Variants in RELN observed in about 807,000 individuals in gnomAD.
RELN encodes reelin.
Under a neutral mutation model 427.6 loss-of-function variants are expected in RELN, and 108 were observed. The ratio of observed to expected loss-of-function variants is 0.25; its 90% confidence interval spans 0.22 to 0.30. RELN has a LOEUF of 0.30. RELN is among the 10% of genes least tolerant of loss of function. The pLI is 1.00. For missense variants in RELN, 3,715 were observed against 4,302.8 expected, an observed-to-expected ratio of 0.86 and a Z score of 3.82; for synonymous variants, 1,524 against 1,513.4, an observed-to-expected ratio of 1.01 and a Z score of -0.16.
intron 1 of RELN, among the ~76,000 whole-genome samples, chr7:103,928,438 C>T (rs555079246): frequency 3.3e-5 from 5 of 152,280 alleles, no homozygotes; most frequent in Non-Finnish European, 5.9e-5. Flanking sequence ...TGGGATAAAG[C>T]CCAGGAATCA....
Position 103,596,503 on chromosome 7 carries a change from C to A in RELN, c.3492G>T (p.Gln1164His). 6.2e-7 allele frequency: 1 copy of A among 1,614,044 alleles called. No homozygotes were observed. Among genetic ancestry groups the A allele is most frequent in the Non-Finnish European group, 8.5e-7 (1 of 1,179,942 alleles). ...LLQYSNNGGI[Q>H]WHLLAEMYFS... is the part of the protein sequence containing the mutation. ...AGTACATCTCTGCTAGCAGGTGCCA[C>A]TGGATGCCCCCATTGTTGCTGTACT... The change falls in exon 25 of 65, where the codon CAG (glutamine) becomes CAT (histidine). Residue 1164 changes from glutamine to histidine, a missense_variant. Coordinates refer to ENST00000428762, the MANE Select transcript of RELN (RefSeq NM_005045.4).
chr7:103,645,593 A>G (rs1447157638), intron 16 of RELN, among the ~76,000 whole-genome samples: 2 of 151,938 alleles, frequency 1.3e-5, no homozygotes, highest in East Asian at 3.9e-4. Flanking sequence ...TCCTAAATAC[A>G]TATGCACCCA....
At chr7:103,819,702 T>A (rs1052116786) in intron 3 of RELN, among the ~76,000 whole-genome samples, 5 of 152,032 alleles carry the variant, frequency 3.3e-5, no homozygotes, top group Admixed American at 3.3e-4. Flanking sequence ...GCTTTTCAAA[T>A]AATAAAATAT....
At chr7:103,975,515 G>GTTATT (rs35356053) in intron 1 of RELN, among the ~76,000 whole-genome samples, 1 of 141,826 alleles carries the variant, frequency 7.1e-6, no homozygotes, top group Non-Finnish European at 1.5e-5. Context: ...GAATGGAGCA[G>GTTATT]TATTTATTTA....
At chr7:103,649,450 G>C (rs940920364) in intron 16 of RELN, among the ~76,000 whole-genome samples, 1 of 151,906 alleles carries the variant, frequency 6.6e-6, no homozygotes, top group African/African-American at 2.4e-5. Flanking sequence ...ATGGAAGGGG[G>C]GTGAGGGATG....
At chr7:103,831,457 CA>C (rs35531326) in intron 3 of RELN, among the ~76,000 whole-genome samples, 55,095 of 151,876 alleles carry the variant, frequency 0.36, 10,407 homozygotes, top group Non-Finnish European at 0.42. Context: ...TAACTTAATT[CA>C]AATAAGTATA....
chr7:103,721,982 T>G (rs962326893), intron 8 of RELN, among the ~76,000 whole-genome samples: 2 of 152,206 alleles, frequency 1.3e-5, no homozygotes, highest in African/African-American at 4.8e-5. Context: ...CAGGATACAC[T>G]TGTTAATAAG....
At chr7:103,831,267 A>T (rs543353953) in intron 3 of RELN, among the ~76,000 whole-genome samples, 2 of 152,290 alleles carry the variant, frequency 1.3e-5, no homozygotes, top group African/African-American at 4.8e-5. Flanking sequence ...AATATGAATA[A>T]GAGAAAGCAT....
intron 2 of RELN, among the ~76,000 whole-genome samples, chr7:103,883,538 C>T (rs978538063): frequency 1.3e-5 from 2 of 152,168 alleles, no homozygotes; most frequent in Non-Finnish European, 2.9e-5. Context: ...AAAACCCCAT[C>T]GACTCAGCCC....
chr7:103,487,573 A>G (rs560957632), intron 60 of RELN, among the ~76,000 whole-genome samples: 4 of 152,132 alleles, frequency 2.6e-5, no homozygotes, highest in Admixed American at 6.5e-5. Context: ...CTTTGAGTCA[A>G]TGTTTACTAA....
intron 2 of RELN, among the ~76,000 whole-genome samples, chr7:103,910,977 G>T (rs1011063017): frequency 7.2e-6 from 1 of 139,226 alleles, no homozygotes; most frequent in African/African-American, 3.0e-5. Flanking sequence ...CAAAAGCAAT[G>T]GCAACAAAAG....
chr7:103,933,365 C>T (rs1365580355), intron 1 of RELN, among the ~76,000 whole-genome samples: 1 of 151,962 alleles, frequency 6.6e-6, no homozygotes, highest in Non-Finnish European at 1.5e-5. Flanking sequence ...GCTAATCAAA[C>T]ATGAGAGGGC....
At chr7:103,853,628 C>T (rs1437128117) in intron 2 of RELN, among the ~76,000 whole-genome samples, 3 of 151,744 alleles carry the variant, frequency 2.0e-5, no homozygotes, top group Non-Finnish European at 4.4e-5. Flanking sequence ...TTGAAAAGAA[C>T]AGCAAATAAT....
intron 1 of RELN, among the ~76,000 whole-genome samples, chr7:103,936,132 A>C (rs1795978910): frequency 6.9e-6 from 1 of 145,576 alleles, no homozygotes; most frequent in Non-Finnish European, 1.5e-5. Context: ...TCACTCTGTC[A>C]CCCAGGCTGG....
chr7:103,853,496 G>A (rs1380479047), intron 2 of RELN, among the ~76,000 whole-genome samples: 1 of 151,810 alleles, frequency 6.6e-6, no homozygotes, highest in Non-Finnish European at 1.5e-5. Flanking sequence ...TCTTTCATGT[G>A]AATTTGTAAT....
At chr7:103,908,026 A>C (rs1426990274) in intron 2 of RELN, among the ~76,000 whole-genome samples, 1 of 151,732 alleles carries the variant, frequency 6.6e-6, no homozygotes, top group African/African-American at 2.4e-5. Flanking sequence ...TCATTGTTCA[A>C]CTCCCACTTA....
chr7:103,496,852 G>C (rs1562852349), intron 55 of RELN, 84 bp from the exon 56 acceptor site: 6 of 1,490,842 alleles, frequency 4.0e-6, no homozygotes, highest in Non-Finnish European at 5.5e-6. Context: ...CAGATACTGT[G>C]AACTTCCCAA....
intron 3 of RELN, among the ~76,000 whole-genome samples, chr7:103,803,332 A>T (rs1792516203): frequency 6.6e-6 from 1 of 152,168 alleles, no homozygotes; most frequent in Non-Finnish European, 1.5e-5. Context: ...AATTTTAAAT[A>T]CATCTTAACT....
intron 8 of RELN, among the ~76,000 whole-genome samples, chr7:103,718,970 A>C (rs1790007986): frequency 1.3e-5 from 2 of 152,166 alleles, no homozygotes; most frequent in Admixed American, 6.6e-5. Context: ...CCCCTAACAC[A>C]ACTACCCAAA....
Sources: allele counts gnomAD v4.1 joint callset (sites outside exome capture counted in the v4.1 genomes callset), GRCh38; gene constraint gnomAD v4.1.1; transcripts MANE v1.5; gene names NCBI Gene and HGNC (gene_info 2026-07-23, HGNC 2026-07-21).